The following DNAH12 variants were observed in gnomAD, a reference collection of about 807,000 sequenced individuals.
The protein encoded by DNAH12 is axonemal beta dynein heavy chain 12.
In DNAH12, 285 loss-of-function variants were observed where a neutral mutation model predicts 371.5. That is an observed-to-expected ratio of 0.77 (90% CI 0.70 to 0.85). DNAH12 has a LOEUF of 0.85. Among genes scored for constraint, DNAH12 ranks in the 40% least tolerant of loss-of-function variants. DNAH12 has a pLI of 0.00. For missense variants in DNAH12, 3,611 were observed against 3,689.4 expected (o/e 0.98, Z 0.55); for synonymous variants, 1,200 against 1,213.0 (o/e 0.99, Z 0.22).
At chr3:57,374,746 C>T (rs1476460993) in intron 55 of DNAH12, among the ~76,000 whole-genome samples, 1 of 145,068 alleles carries the variant, frequency 6.9e-6, no homozygotes, top group East Asian at 2.0e-4. Flanking sequence ...CATGCAATAA[C>T]ATGGATAAAT....
chr3:57,322,900 A>T (rs2061841176), intron 64 of DNAH12, 107 bp downstream of exon 64: 17 of 1,431,932 alleles, frequency 1.2e-5, no homozygotes, highest in Non-Finnish European at 1.2e-5. Flanking sequence ...ACTGCACTCC[A>T]GCCTGGGAGA....
At chr3:57,498,835 T>G (rs1326029374) in intron 11 of DNAH12, among the ~76,000 whole-genome samples, 1 of 151,894 alleles carries the variant, frequency 6.6e-6, no homozygotes, top group Non-Finnish European at 1.5e-5. Flanking sequence ...CCATCTCTAC[T>G]AAAAACACAA....
intron 58 of DNAH12, among the ~76,000 whole-genome samples, chr3:57,361,442 C>CTATAT (rs1363525166): frequency 9.3e-6 from 1 of 107,762 alleles, no homozygotes; most frequent in Admixed American, 9.8e-5. Context: ...TACACACACA[C>CTATAT]ACTATATATA....
intron 36 of DNAH12, 83 bp from the exon 37 acceptor site, chr3:57,419,601 T>C (rs1373840791): frequency 6.8e-6 from 7 of 1,032,486 alleles, no homozygotes; most frequent in East Asian, 3.3e-5. Flanking sequence ...TATACTATTA[T>C]ATTAGCTTTT....
chr3:57,373,108 A>C (rs2063209530), intron 55 of DNAH12, among the ~76,000 whole-genome samples: 2 of 152,158 alleles, frequency 1.3e-5, no homozygotes, highest in East Asian at 3.9e-4. Context: ...TAACTGTAAA[A>C]AGTACACTGC....
In DNAH12 at chr3:57,306,755, T is replaced by TC. The variant is rs547495343; in HGVS notation, c.11189+2395dup. Among the ~76,000 whole-genome samples the TC allele has an allele frequency of 1.1e-4, 17 of 152,154 alleles. No homozygotes were observed. The South Asian group carries it at 3.3e-3, about 30-fold the overall frequency. On this transcript the variant is annotated intron_variant, in intron 69 of 73. Transcript: ENST00000495027. ...GCATGGCCTTTTAAAGCCTATAAAC[T>TC]CCCCTTACAATTCCCCCATTTTACC...
chr3:57,527,163 C>A (rs866927959), intron 2 of DNAH12, among the ~76,000 whole-genome samples: 20 of 152,044 alleles, frequency 1.3e-4, no homozygotes, highest in African/African-American at 4.6e-4. Flanking sequence ...ATTAGTTTTT[C>A]TTTTCCTATA....
intron 45 of DNAH12, among the ~76,000 whole-genome samples, chr3:57,390,424 A>AAAAAAAAAAAAAAAAAAATAGATAT: frequency 3.0e-5 from 1 of 33,422 alleles, no homozygotes; most frequent in Non-Finnish European, 7.0e-5. Context: ...AAAAAAAAAA[A>AAAAAAAAAAAAAAAAAAATAGATAT]ATATATATAT....
At position 57,293,831 on chromosome 3, in the gene DNAH12, G is replaced by A. The variant is rs551271680; in HGVS notation, c.11833C>T (p.Arg3945Trp). The A allele has an allele frequency of 9.2e-5, 142 of 1,549,942 alleles. No homozygotes were observed. Among genetic ancestry groups the A allele is most frequent in the East Asian group, 1.5e-4 (6 of 40,862 alleles). ...AMLLKTDQPT[R>W]HWIKRGVALL... ...GCAACCCCGCGCTTGATCCAGTGCC[G>A]AGTAGGTTGGTCTGTTTTTAACAAC... The change falls in exon 74 of 74, where the codon CGG (arginine) becomes TGG (tryptophan). Residue 3945 changes from arginine to tryptophan, a missense_variant. Coordinates refer to ENST00000495027, the MANE Select transcript of DNAH12 (RefSeq NM_001366028.2).
chr3:57,448,752 A>AG (rs34774875), intron 25 of DNAH12, among the ~76,000 whole-genome samples: 68,220 of 138,236 alleles, frequency 0.49, 17,095 homozygotes, highest in South Asian at 0.65. Context: ...CTAGATACAA[A>AG]GCTCTCCACG....
chr3:57,552,264 G>C, the DNAH12 span, among the ~76,000 whole-genome samples: 205 of 149,566 alleles, frequency 1.4e-3, 2 homozygotes, highest in Admixed American at 0.014. Flanking sequence ...AAAAAGAGAT[G>C]GGGTCTCACT....
At chr3:57,312,845 A>T (rs1241146256) in intron 66 of DNAH12, among the ~76,000 whole-genome samples, 1 of 152,234 alleles carries the variant, frequency 6.6e-6, no homozygotes, top group Non-Finnish European at 1.5e-5. Context: ...TATTTATTCC[A>T]GTTAAGGTTT....
chr3:57,499,667 T>TAC lies in DNAH12; in HGVS notation c.1335+1653_1335+1654insGT, dbSNP rs1446478465. 4.8e-4 allele frequency among the ~76,000 whole-genome samples: 25 copies of TAC among 51,648 alleles called. 2 individuals are homozygous for TAC. The highest frequency in any genetic ancestry group is 5.7e-4 in the Admixed American group (3 of 5,300). The allele number at this position is 51,648 out of a possible 152,430, so 33.9% of individuals were successfully genotyped here. A position where few individuals can be genotyped will look rare whatever the true frequency, so the allele number is the denominator to read the frequency against. On this transcript the variant is annotated intron_variant, in intron 11 of 73. Transcript: ENST00000495027. ...AAAAAAATATATATATATATATATA[T>TAC]ATATATATACTTCTTAAAAAAATTA...
chr3:57,383,821 T>C (rs2063448011), intron 49 of DNAH12, among the ~76,000 whole-genome samples: 2 of 149,478 alleles, frequency 1.3e-5, no homozygotes, highest in South Asian at 2.2e-4. Flanking sequence ...AGAAAGAATA[T>C]AGTAAGCTCA....
intron 14 of DNAH12, 144 bp from the exon 15 acceptor site, chr3:57,471,750 T>C (rs956618381): frequency 2.5e-5 from 17 of 682,188 alleles, no homozygotes; most frequent in Non-Finnish European, 3.4e-5. Flanking sequence ...TAATTACTAA[T>C]ATAAAAATGC....
Position 57,323,171 on chromosome 3 carries a change from T to G in DNAH12, c.10219A>C (p.Lys3407Gln). ...TCTTCAATTGCTGCTTTAATCATTT[T>G]TGCTGCAATCGGTCCTTGTCCCTGT... ...LGQGQGPIAA[K>Q]MIKAAIEEGT... The change falls in exon 64 of 74, where the codon AAA (lysine) becomes CAA (glutamine). Residue 3407 changes from lysine (K) to glutamine (Q), a missense_variant. Physicochemically the swap from Lys to Gln is moderately conservative, Grantham distance 53. This residue lies in a region of DNAH12 where 2,266 missense variants were observed against 2,236.9 expected (regional missense o/e 1.01). Transcript: ENST00000495027. 1.3e-6 allele frequency: 2 copies of G among 1,552,442 alleles called. No individual in the cohort carries two copies. Among genetic ancestry groups the G allele is most frequent in the Non-Finnish European group, 1.7e-6 (2 of 1,147,160 alleles).
At chr3:57,420,908 C>CAAAA (rs369971376) in intron 36 of DNAH12, among the ~76,000 whole-genome samples, 1,891 of 76,348 alleles carry the variant, frequency 0.025, 85 homozygotes, top group African/African-American at 0.086. Context: ...GACTCCGTCT[C>CAAAA]AAAAAAAAAA....
At chr3:57,395,215 G>A (rs1041298077) in intron 43 of DNAH12, among the ~76,000 whole-genome samples, 1,419 of 34,012 alleles carry the variant, frequency 0.042, 21 homozygotes, top group African/African-American at 0.16. Flanking sequence ...CAGTGACAGC[G>A]TTGGGAGCTT....
intron 13 of DNAH12, among the ~76,000 whole-genome samples, chr3:57,478,698 G>T (rs1406415215): frequency 6.6e-6 from 1 of 152,182 alleles, no homozygotes; most frequent in Non-Finnish European, 1.5e-5. Flanking sequence ...CCAACAAAGG[G>T]AAGCCCATCA....
Sources: gnomAD v4.1 joint callset for allele counts (sites outside exome capture counted in the v4.1 genomes callset) on GRCh38, gnomAD v4.1.1 for gene constraint, gnomAD v4.1.1 regional missense constraint, MANE v1.5 for transcripts, NCBI Gene and HGNC (gene_info 2026-07-23, HGNC 2026-07-21) for gene names.